Variants in SEMA3E observed in about 807,000 individuals in gnomAD.
SEMA3E encodes the protein semaphorin-3E.
SEMA3E carries 49 observed loss-of-function variants against 93.6 expected under a neutral mutation model. The ratio of observed to expected loss-of-function variants is 0.52; its 90% confidence interval spans 0.42 to 0.66. The LOEUF (loss-of-function observed/expected upper bound fraction) is 0.66. Among genes scored for constraint, SEMA3E ranks in the 30% least tolerant of loss-of-function variants. The probability of loss-of-function intolerance (pLI) is 0.00; values close to 1 mark genes in which losing one functional copy is unlikely to be tolerated. For synonymous variants in SEMA3E, 363 were observed against 330.7 expected (o/e 1.10, Z -1.06); for missense variants, 906 against 964.8 (o/e 0.94, Z 0.81).
intron 1 of SEMA3E, among the ~76,000 whole-genome samples, chr7:83,564,313 G>A (rs1023779054): frequency 2.0e-5 from 3 of 152,108 alleles, no homozygotes; most frequent in Non-Finnish European, 4.4e-5. Flanking sequence ...CAGCTACTCA[G>A]GAGGCTGAGA....
At chr7:83,629,119 TG>T (rs1471635917) in intron 1 of SEMA3E, among the ~76,000 whole-genome samples, 1 of 152,162 alleles carries the variant, frequency 6.6e-6, no homozygotes, top group Non-Finnish European at 1.5e-5. Flanking sequence ...CCTGTTTGCC[TG>T]GGTATCACCA....
intron 2 of SEMA3E, among the ~76,000 whole-genome samples, chr7:83,471,021 C>G (rs1429370138): frequency 1.3e-5 from 2 of 151,816 alleles, no homozygotes; most frequent in Non-Finnish European, 2.9e-5. Context: ...TTTCATAATA[C>G]AGTGTTTCAA....
intron 5 of SEMA3E, among the ~76,000 whole-genome samples, chr7:83,409,223 A>T (rs1284440763): frequency 6.6e-6 from 1 of 152,202 alleles, no homozygotes; most frequent in African/African-American, 2.4e-5. Flanking sequence ...CTTTTGAGTA[A>T]GAAAAAAGAC....
chr7:83,487,123 G>A (rs1226252976), intron 2 of SEMA3E, among the ~76,000 whole-genome samples: 1 of 152,082 alleles, frequency 6.6e-6, no homozygotes, highest in Non-Finnish European at 1.5e-5. Context: ...TTAAAGTGCT[G>A]AGGGTATAAT....
chr7:83,612,457 GA>G (rs758226211), intron 1 of SEMA3E: 4 of 151,934 alleles, frequency 2.6e-5, no homozygotes, highest in African/African-American at 9.7e-5. Context: ...CAATCCTATG[GA>G]AAAAATAGGT....
At chr7:83,422,482 T>C (rs780995739) in intron 4 of SEMA3E, among the ~76,000 whole-genome samples, 5 of 152,140 alleles carry the variant, frequency 3.3e-5, no homozygotes, top group Admixed American at 6.5e-5. Context: ...ACCCACATCA[T>C]TTCATGGAGG....
At chr7:83,406,578 ATCT>A (rs1788334813) in intron 7 of SEMA3E, among the ~76,000 whole-genome samples, 1 of 42,752 alleles carries the variant, frequency 2.3e-5, no homozygotes. Context: ...ATTTTCGAAC[ATCT>A]TCTTAAATGG....
intron 1 of SEMA3E, among the ~76,000 whole-genome samples, chr7:83,503,572 T>A (rs1466337866): frequency 6.6e-6 from 1 of 152,170 alleles, no homozygotes; most frequent in Admixed American, 6.5e-5. Context: ...ATTTCATTTT[T>A]GTGCAAACAT....
chr7:83,614,750 A>G (rs1403124610), intron 1 of SEMA3E, among the ~76,000 whole-genome samples: 1 of 151,894 alleles, frequency 6.6e-6, no homozygotes, highest in Non-Finnish European at 1.5e-5. Flanking sequence ...GACAAATTAC[A>G]CTCTCAGTCT....
chr7:83,545,690 GA>G (rs1277519366), intron 1 of SEMA3E, among the ~76,000 whole-genome samples: 1 of 150,476 alleles, frequency 6.6e-6, no homozygotes, highest in Admixed American at 6.7e-5. Context: ...GGATAAGTCA[GA>G]AGAAAATTAT....
At chr7:83,577,996 CTAAA>C (rs1454387412) in intron 1 of SEMA3E, among the ~76,000 whole-genome samples, 3 of 151,834 alleles carry the variant, frequency 2.0e-5, no homozygotes, top group Admixed American at 1.3e-4. Context: ...AACGTGTAAT[CTAAA>C]TAGCTTCCAG....
intron 2 of SEMA3E, among the ~76,000 whole-genome samples, chr7:83,478,576 C>T (rs1289356034): frequency 6.6e-6 from 1 of 152,160 alleles, no homozygotes; most frequent in Non-Finnish European, 1.5e-5. Context: ...TGGTTGAATA[C>T]TGGCGTCTTC....
At chr7:83,568,418 C>G (rs1210285746) in intron 1 of SEMA3E, among the ~76,000 whole-genome samples, 2 of 152,008 alleles carry the variant, frequency 1.3e-5, no homozygotes, top group Non-Finnish European at 2.9e-5. Flanking sequence ...AAAGAGTCGA[C>G]AACAACAAAA....
chr7:83,540,527 C>T (rs11973589), intron 1 of SEMA3E, among the ~76,000 whole-genome samples: 33,570 of 152,012 alleles, frequency 0.22, 3,901 homozygotes, highest in East Asian at 0.39. Context: ...AAATAGATCA[C>T]TCTAAAAATA....
intron 1 of SEMA3E, among the ~76,000 whole-genome samples, chr7:83,539,195 GGCTCT>G (rs1384692302): frequency 6.6e-6 from 1 of 152,106 alleles, no homozygotes; most frequent in Non-Finnish European, 1.5e-5. Flanking sequence ...CCTAGTACCA[GGCTCT>G]GGGAGCCCAG....
intron 14 of SEMA3E, 40 bp from the exon 15 acceptor site, chr7:83,387,090 A>G (rs747580692): frequency 2.5e-6 from 4 of 1,580,962 alleles, no homozygotes; most frequent in East Asian, 4.5e-5. Flanking sequence ...CATTTTTTCA[A>G]TTTTCCAGAC....
chr7:83,530,037 T>C (rs1005258691), intron 1 of SEMA3E, among the ~76,000 whole-genome samples: 1 of 152,210 alleles, frequency 6.6e-6, no homozygotes, highest in African/African-American at 2.4e-5. Context: ...AATCATATTT[T>C]CTATGTGCTG....
Position 83,413,126 on chromosome 7 carries a change from C to CTT in SEMA3E, c.551-4641_551-4640dup, listed in dbSNP as rs572271089. Among the ~76,000 whole-genome samples, 7 of 151,968 alleles carry CTT rather than the reference C, an allele frequency of 4.6e-5. 1 individual carries two copies. Among genetic ancestry groups the CTT allele is most frequent in the African/African-American group, 1.7e-4 (7 of 41,484 alleles). On this transcript the variant is annotated intron_variant, in intron 5 of 16. Transcript: ENST00000643230. Reference sequence around the variant, plus strand: ...ACTAAAATACTTTTCTATATAACTCCTTTTTTTTACAATGTGAACTCTAGT... The same window carrying CTT: ...ACTAAAATACTTTTCTATATAACTCCTTTTTTTTTTACAATGTGAACTCTAGT...
intron 1 of SEMA3E, among the ~76,000 whole-genome samples, chr7:83,490,668 A>T (rs1386727210): frequency 6.6e-6 from 1 of 152,034 alleles, no homozygotes; most frequent in Non-Finnish European, 1.5e-5. Flanking sequence ...TAATGTTTCT[A>T]CTTGAAATTG....
Sources: allele counts gnomAD v4.1 joint callset (sites outside exome capture counted in the v4.1 genomes callset), GRCh38; gene constraint gnomAD v4.1.1; transcripts MANE v1.5; gene names NCBI Gene and HGNC (gene_info 2026-07-23, HGNC 2026-07-21).